STOX1: variants seen among roughly 807,000 people sequenced by gnomAD.
STOX1 encodes the protein storkhead box 1, also known as storkhead-box protein 1.
STOX1 carries 57 observed loss-of-function variants against 74.8 expected under a neutral mutation model. The ratio of observed to expected loss-of-function variants is 0.76; its 90% CI spans 0.62 to 0.95. STOX1 has a LOEUF of 0.95. STOX1 is among the 40% of genes least tolerant of loss of function. The pLI is 0.00. For missense variants in STOX1, 1,010 were observed against 1,117.0 expected (o/e 0.90, Z 1.37); for synonymous variants, 375 against 401.3 (o/e 0.93, Z 0.78).
Position 68,885,588 on chromosome 10 carries a change from T to A in STOX1, c.1792T>A (p.Cys598Ser), listed in dbSNP as rs772323171. The A allele has an allele frequency of 6.2e-7, 1 of 1,614,230 alleles. No individual in the cohort carries two copies. The highest frequency in any genetic ancestry group is 2.2e-5 in the East Asian group (1 of 44,884). Reference protein sequence around the residue: ...QSMLQNDGKCCPFMESMLRYE... With the variant: ...QSMLQNDGKCSPFMESMLRYE... ...CATGTTGCAAAATGATGGTAAATGC[T>A]GTCCCTTTATGGAAAGCATGTTGAG... is the stretch of plus-strand genomic sequence containing the variant. The change falls in exon 3 of 4, where the codon TGT (cysteine) becomes AGT (serine). Residue 598 changes from cysteine to serine, a missense_variant. Transcript: ENST00000298596.
chr10:68,840,659 C>G (rs1023807564), intron 1 of STOX1, among the ~76,000 whole-genome samples: 7 of 152,132 alleles, frequency 4.6e-5, no homozygotes, highest in Admixed American at 3.9e-4. Flanking sequence ...CATCCTGCTT[C>G]AAGCGATTCT....
At position 68,874,903 on chromosome 10, in the gene STOX1, ATTGTAATGATT is replaced by A. The variant is rs1274116570; in HGVS notation, c.311-7043_311-7033del. ...GCAAACACAGAATTGGGCCAGGTGGATTGTAATGATTTTGTAATGATTCTCATTGTGGTGTG... is the reference window on the plus strand; with the variant it reads ...GCAAACACAGAATTGGGCCAGGTGGATTGTAATGATTCTCATTGTGGTGTG... On this transcript the variant is annotated intron_variant, in intron 1 of 3. Transcript: ENST00000298596. Among the ~76,000 whole-genome samples, 3 of 152,160 alleles carry A rather than the reference ATTGTAATGATT, an allele frequency of 2.0e-5. No homozygotes were observed. The South Asian group carries it at 6.2e-4, about 32-fold the overall frequency.
rs1213605936 is a variant in STOX1, at chr10:68,886,168, C to T, written c.2372C>T (p.Ser791Phe). The T allele has an allele frequency of 5.0e-6, 8 of 1,614,048 alleles. No individual in the cohort carries two copies. Among genetic ancestry groups the T allele is most frequent in the Admixed American group, 1.7e-5 (1 of 59,996 alleles). Residue 791 changes from serine (S) to phenylalanine (F), a missense_variant, in exon 3 of 4, where the codon TCT becomes TTT. By Grantham distance (155) the Ser-to-Phe change is radical. Coordinates refer to ENST00000298596, the MANE Select transcript of STOX1 (RefSeq NM_152709.5). The stretch of plus-strand genomic sequence containing the variant: ...AACAGCACAATGGAGAGGGTTGAGT[C>T]TCAGGTGCTTAAAAGAAATGAATGC... Reference protein sequence around the residue: ...EYNSTMERVESQVLKRNECYK... With the variant: ...EYNSTMERVEFQVLKRNECYK...
Position 68,884,505 on chromosome 10 carries a change from C to T in STOX1, c.709C>T (p.Pro237Ser). The change falls in exon 3 of 4, where the codon CCC becomes TCC. Residue 237 changes from proline (P) to serine (S), a missense_variant. Coordinates refer to ENST00000298596, the MANE Select transcript of STOX1 (RefSeq NM_152709.5). ...AGAGTCAGCCCAAGAGAATGCTGCC[C>T]CCATATCCCACTGTCAGTCTTGCCA... ...CAESAQENAA[P>S]ISHCQSCQCF... 3.1e-6 allele frequency: 5 copies of T among 1,613,790 alleles called. No individual in the cohort carries two copies.
At chr10:68,861,988 T>TACTTG (rs10660351) in intron 1 of STOX1, among the ~76,000 whole-genome samples, 42,094 of 151,750 alleles carry the variant, frequency 0.28, 6,340 homozygotes, top group African/African-American at 0.38. Context: ...CCAAACTAAC[T>TACTTG]ATCTCCTAGC....
chr10:68,879,012 G>C (rs917546163), intron 1 of STOX1, among the ~76,000 whole-genome samples: 1 of 152,190 alleles, frequency 6.6e-6, no homozygotes, highest in Non-Finnish European at 1.5e-5. Context: ...CTGGGAGGTT[G>C]TTAGAAGTGC....
intron 1 of STOX1, among the ~76,000 whole-genome samples, chr10:68,835,579 T>A (rs1227467372): frequency 6.7e-6 from 1 of 149,914 alleles, no homozygotes; most frequent in African/African-American, 2.5e-5. Flanking sequence ...GGGCCTCTAG[T>A]TCTTTAGGTA....
chr10:68,882,203 C>CT, intron 2 of STOX1, 93 bp downstream of exon 2: 1 of 1,233,054 alleles, frequency 8.1e-7, no homozygotes, highest in Non-Finnish European at 1.2e-6. Flanking sequence ...GGGTGATATC[C>CT]TTTTTTCCCC....
chr10:68,828,601 T>A (rs1455521070), intron 1 of STOX1, among the ~76,000 whole-genome samples: 1 of 152,188 alleles, frequency 6.6e-6, no homozygotes, highest in African/African-American at 2.4e-5. Flanking sequence ...TAGAGAGGCT[T>A]TGGGCTAGGG....
At chr10:68,829,061 G>C (rs777589896) in intron 1 of STOX1, 282 of 918,154 alleles carry the variant, frequency 3.1e-4, no homozygotes, top group Non-Finnish European at 3.6e-4. Flanking sequence ...AGGGCCATTT[G>C]ATGGTGTGTT....
intron 3 of STOX1, among the ~76,000 whole-genome samples, chr10:68,892,239 C>T (rs1841116144): frequency 6.6e-6 from 1 of 151,910 alleles, no homozygotes; most frequent in Non-Finnish European, 1.5e-5. Flanking sequence ...TATGATTTCT[C>T]ATAAAAGTAA....
At chr10:68,872,336 T>G (rs1589231329) in intron 1 of STOX1, among the ~76,000 whole-genome samples, 1 of 126,484 alleles carries the variant, frequency 7.9e-6, no homozygotes, top group Admixed American at 9.4e-5. Context: ...TTTTTCTTTT[T>G]CTTTTCTTTT....
In STOX1 at chr10:68,845,156, G is replaced by T. The variant is rs193095933; in HGVS notation, c.310+17223G>T. Among the ~76,000 whole-genome samples the T allele has an allele frequency of 9.5e-4, 144 of 152,074 alleles. 1 individual carries two copies. The highest frequency in any genetic ancestry group is 3.3e-3 in the African/African-American group (135 of 41,478). ...CTCGCTCTATCACCCGAGCTGAAGT[G>T]CAGTGGTGCGATCACAGCTCACTGC... On this transcript the variant is annotated intron_variant, in intron 1 of 3. Coordinates refer to ENST00000298596, the MANE Select transcript of STOX1 (RefSeq NM_152709.5).
At chr10:68,840,616 A>G (rs1003020425) in intron 1 of STOX1, among the ~76,000 whole-genome samples, 3 of 152,024 alleles carry the variant, frequency 2.0e-5, no homozygotes, top group Non-Finnish European at 2.9e-5. Context: ...GCTGGAGTGC[A>G]CTGGTGTGAT....
At chr10:68,865,580 T>C (rs12777178) in intron 1 of STOX1, among the ~76,000 whole-genome samples, 2 of 151,644 alleles carry the variant, frequency 1.3e-5, no homozygotes, top group African/African-American at 2.4e-5. Flanking sequence ...ACCTGGGAGG[T>C]GGAGCTTGCA....
At position 68,884,538 on chromosome 10, in the gene STOX1, C is replaced by T. The variant is rs754346473; in HGVS notation, c.742C>T (p.Arg248Trp). Residue 248 changes from arginine to tryptophan, a missense_variant, in exon 3 of 4, where the codon CGG (arginine) becomes TGG (tryptophan). Arg to Trp is a moderately radical substitution (Grantham distance 101, BLOSUM62 -3). Coordinates refer to ENST00000298596, the MANE Select transcript of STOX1 (RefSeq NM_152709.5). The stretch of plus-strand genomic sequence containing the variant: ...CCACTGTCAGTCTTGCCAGTGTTTC[C>T]GGGACATGCACACTCAGGATGTTCA... Reference protein sequence around the residue: ...ISHCQSCQCFRDMHTQDVQEA... With the variant: ...ISHCQSCQCFWDMHTQDVQEA... 2.8e-5 allele frequency: 45 copies of T among 1,613,600 alleles called. No homozygotes were observed. The highest frequency in any genetic ancestry group is 1.6e-4 in the Middle Eastern group (1 of 6,084).
At chr10:68,851,726 A>T (rs1217439816) in intron 1 of STOX1, among the ~76,000 whole-genome samples, 1 of 152,118 alleles carries the variant, frequency 6.6e-6, no homozygotes, top group African/African-American at 2.4e-5. Flanking sequence ...CTGTAATCCC[A>T]GTTACTTGGG....
chr10:68,877,650 T>C (rs1037376633), intron 1 of STOX1, among the ~76,000 whole-genome samples: 3 of 152,162 alleles, frequency 2.0e-5, no homozygotes, highest in Non-Finnish European at 4.4e-5. Context: ...CCCTACTATG[T>C]TTTCCAGTGC....
intron 2 of STOX1, among the ~76,000 whole-genome samples, chr10:68,882,693 T>C (rs1341883122): frequency 1.3e-5 from 2 of 151,976 alleles, no homozygotes; most frequent in South Asian, 4.2e-4. Flanking sequence ...GAGATGGGGT[T>C]TCACCATGTT....
Sources: allele counts gnomAD v4.1 joint callset (sites outside exome capture counted in the v4.1 genomes callset), GRCh38; gene constraint gnomAD v4.1.1; transcripts MANE v1.5; gene names NCBI Gene and HGNC (gene_info 2026-07-23, HGNC 2026-07-21).